The following PCDHGB3 variants were observed in gnomAD, a reference collection of about 807,000 sequenced individuals.
The protein encoded by PCDHGB3 is protocadherin gamma-B3.
In PCDHGB3, 40 loss-of-function variants were observed where a neutral mutation model predicts 59.2. That is an observed-to-expected ratio of 0.68 (90% CI 0.52 to 0.88). PCDHGB3 has a LOEUF of 0.88. PCDHGB3 is among the 40% of genes least tolerant of loss of function. The probability of loss-of-function intolerance (pLI) is 0.00; values close to 1 mark genes in which losing one functional copy is unlikely to be tolerated. For missense variants in PCDHGB3, 1,309 were observed against 1,187.9 expected, an observed-to-expected ratio of 1.10 and a Z score of -1.50; for synonymous variants, 581 against 503.6, an observed-to-expected ratio of 1.15 and a Z score of -2.06.
At chr5:141,472,980 C>CAAAAAAAAAAAAAAAAAAAAAAAA (rs60579131) in intron 1 of PCDHGB3, among the ~76,000 whole-genome samples, 7 of 86,078 alleles carry the variant, frequency 8.1e-5, no homozygotes, top group African/African-American at 1.9e-4. Context: ...GAGTGAAACT[C>CAAAAAAAAAAAAAAAAAAAAAAAA]AAAAAAAAAA....
chr5:141,422,727 G>A, intron 1 of PCDHGB3: 6 of 1,606,552 alleles, frequency 3.7e-6, no homozygotes, highest in Non-Finnish European at 5.1e-6. Flanking sequence ...TCCAGGGGGT[G>A]CCTCTGTCCT....
chr5:141,490,605 C>A lies in PCDHGB3; in HGVS notation c.2416-4202C>A. On this transcript the variant is annotated intron_variant, in intron 1 of 3. Transcript: ENST00000576222. The surrounding 1 kb of genome is among the most constrained non-coding windows in gnomAD (Gnocchi z 5.4). ...TCAATGACAATGCACCCCGCTTCAA[C>A]CAGCAGCTTTACACTGCTTACATCC... 6.2e-6 allele frequency: 10 copies of A among 1,614,198 alleles called. No individual in the cohort carries two copies. The highest frequency in any genetic ancestry group is 8.5e-6 in the Non-Finnish European group (10 of 1,180,030).
intron 1 of PCDHGB3, chr5:141,393,489 G>C: frequency 6.2e-7 from 1 of 1,614,062 alleles, no homozygotes; most frequent in Non-Finnish European, 8.5e-7. Flanking sequence ...CTCTAGCACA[G>C]TGCGCATCCA....
At chr5:141,390,922 A>G (rs935110449) in intron 1 of PCDHGB3, 8 of 152,482 alleles carry the variant, frequency 5.2e-5, no homozygotes, top group Non-Finnish European at 1.0e-4. Context: ...AAGGTCTACT[A>G]TGCTCATTAG....
chr5:141,383,790 T>C, intron 1 of PCDHGB3: 1 of 1,614,006 alleles, frequency 6.2e-7, no homozygotes. Context: ...TGAACTCGCT[T>C]ACAGGAGAAA....
intron 1 of PCDHGB3, chr5:141,376,557 C>A: frequency 6.2e-7 from 1 of 1,609,994 alleles, no homozygotes; most frequent in Non-Finnish European, 8.5e-7. Flanking sequence ...CTTCCCGCAA[C>A]CCAACTAATC....
intron 2 of PCDHGB3, among the ~76,000 whole-genome samples, chr5:141,504,651 G>A (rs905210723): frequency 8.4e-6 from 1 of 119,750 alleles, no homozygotes; most frequent in Non-Finnish European, 1.6e-5. Flanking sequence ...ATGATAGAGT[G>A]TTTGAGGGCG....
In PCDHGB3 at chr5:141,423,756, G is replaced by A. The variant is rs544048105; in HGVS notation, c.2415+50947G>A. 1.6e-5 allele frequency: 7 copies of A among 448,620 alleles called. 1 individual carries two copies. Among genetic ancestry groups the A allele is most frequent in the Non-Finnish European group, 2.1e-5 (7 of 329,706 alleles). 27.8% of individuals were successfully genotyped at this position (448,620 alleles called of 1,614,324 possible). A position where few individuals can be genotyped will look rare whatever the true frequency, so the allele number is the denominator to read the frequency against. ...GCCTGTTATGAAAACTGTTTGGGGG[G>A]GGGGTGGGGCGGCATATATTTAGTT... On this transcript the variant is annotated intron_variant, in intron 1 of 3. Coordinates refer to ENST00000576222, the MANE Select transcript of PCDHGB3 (RefSeq NM_018924.5).
At chr5:141,376,144 G>A (rs753001081) in intron 1 of PCDHGB3, 6 of 1,613,800 alleles carry the variant, frequency 3.7e-6, no homozygotes, top group South Asian at 1.1e-5. Context: ...CCAACGATTC[G>A]GACCTCACTC....
At chr5:141,497,503 C>CTGCTTCCT (rs1042765123) in intron 2 of PCDHGB3, among the ~76,000 whole-genome samples, 57 of 151,054 alleles carry the variant, frequency 3.8e-4, no homozygotes, top group African/African-American at 1.4e-3. Flanking sequence ...TCTCCTCTCT[C>CTGCTTCCT]TGCTTCCTTA....
At chr5:141,439,739 G>A (rs867225156) in intron 1 of PCDHGB3, 4 of 152,312 alleles carry the variant, frequency 2.6e-5, no homozygotes, top group Non-Finnish European at 5.9e-5. Flanking sequence ...GGAACGGAAC[G>A]GATTTACAGG....
chr5:141,466,977 C>T (rs2099133275), intron 1 of PCDHGB3, among the ~76,000 whole-genome samples: 1 of 151,786 alleles, frequency 6.6e-6, no homozygotes. Flanking sequence ...CACAGCTCAT[C>T]ATTTACCTTT....
At chr5:141,394,769 C>T in intron 1 of PCDHGB3, 1 of 1,613,514 alleles carries the variant, frequency 6.2e-7, no homozygotes, top group Non-Finnish European at 8.5e-7. Flanking sequence ...ATGGCCAGCC[C>T]CCTCTCTCCG....
chr5:141,384,443 A>G, intron 1 of PCDHGB3: 1 of 1,614,030 alleles, frequency 6.2e-7, no homozygotes, highest in Non-Finnish European at 8.5e-7. Flanking sequence ...GGAGTCCTGT[A>G]CGCGCTGCAA....
chr5:141,505,362 G>A (rs766427680), intron 2 of PCDHGB3, 31 bp from the exon 3 acceptor site: 1 of 1,613,966 alleles, frequency 6.2e-7, no homozygotes, highest in Non-Finnish European at 8.5e-7. Flanking sequence ...CGGCCTGGGA[G>A]TCTGTGCTCA....
Position 141,384,133 on chromosome 5 carries a change from C to G in PCDHGB3, c.2415+11324C>G, listed in dbSNP as rs770731491. The G allele has an allele frequency of 1.7e-5, 27 of 1,611,570 alleles. No homozygotes were observed. The highest frequency in any genetic ancestry group is 2.2e-5 in the Non-Finnish European group (26 of 1,178,832). ...ATTGGTCACAACCAAAAACTTGGACCGGGAAACACTCTCTTTGTATAACAT... is the reference window on the plus strand; with the variant it reads ...ATTGGTCACAACCAAAAACTTGGACGGGGAAACACTCTCTTTGTATAACAT... On this transcript the variant is annotated intron_variant, in intron 1 of 3. Coordinates refer to ENST00000576222, the MANE Select transcript of PCDHGB3 (RefSeq NM_018924.5).
chr5:141,419,075 A>C (rs2096322774), intron 1 of PCDHGB3: 3 of 1,613,968 alleles, frequency 1.9e-6, no homozygotes, highest in South Asian at 1.1e-5. Flanking sequence ...CAAGCTAGTA[A>C]CAGATGAGGC....
intron 1 of PCDHGB3, among the ~76,000 whole-genome samples, chr5:141,473,107 C>A (rs2099314182): frequency 6.6e-6 from 1 of 152,134 alleles, no homozygotes; most frequent in Admixed American, 6.5e-5. Flanking sequence ...TATTACCACA[C>A]TTTACTTGGC....
At position 141,486,821 on chromosome 5, in the gene PCDHGB3, A is replaced by T. The variant is rs756652952; in HGVS notation, c.2416-7986A>T. On this transcript the variant is annotated intron_variant, in intron 1 of 3. Transcript: ENST00000576222. The surrounding 1 kb of genome is among the most constrained non-coding windows in gnomAD (Gnocchi z 5.0). ...CAACCCACCCCTTAGCAGCACTGTA[A>T]CAGTTCGTCTATTTGTGCTGGACCT... 36 of 1,614,116 alleles carry T rather than the reference A, an allele frequency of 2.2e-5. No individual in the cohort carries two copies. In the South Asian group the frequency reaches 3.4e-4, roughly 15 times the overall value.
Sources: allele counts gnomAD v4.1 joint callset (sites outside exome capture counted in the v4.1 genomes callset), GRCh38; gene constraint gnomAD v4.1.1; non-coding constraint Gnocchi (gnomAD v3.1); transcripts MANE v1.5; gene names NCBI Gene and HGNC (gene_info 2026-07-23, HGNC 2026-07-21).